The following PTBP3 variants were observed in gnomAD, a reference collection of about 807,000 sequenced individuals.
The protein encoded by PTBP3 is polypyrimidine tract-binding protein 3.
A neutral mutation model predicts 58.7 loss-of-function variants in PTBP3; 20 were observed. The observed-to-expected ratio is 0.34, with a 90% CI of 0.24 to 0.50. The LOEUF (loss-of-function observed/expected upper bound fraction) is 0.50. PTBP3 is among the 20% of genes least tolerant of loss of function. The pLI, the probability that PTBP3 is intolerant of heterozygous loss-of-function variation, is 0.98. For missense variants in PTBP3, 509 were observed against 637.2 expected (o/e 0.80, Z 2.17); for synonymous variants, 185 against 219.8 (o/e 0.84, Z 1.40).
At chr9:112,333,673 C>T (rs1830485724), upstream of PTBP3, 2 of 512,324 alleles carry the variant, frequency 3.9e-6, no homozygotes, top group Non-Finnish European at 3.3e-6. Flanking sequence ...CCCCCGCCTT[C>T]CCCACCCCGC....
At chr9:112,233,152 C>A (rs1000770064) in intron 8 of PTBP3, among the ~76,000 whole-genome samples, 1 of 151,944 alleles carries the variant, frequency 6.6e-6, no homozygotes, top group Non-Finnish European at 1.5e-5. Flanking sequence ...TGCACGAAAT[C>A]AATAGCCTTC....
At chr9:112,224,034 C>T in intron 13 of PTBP3, 51 bp from the exon 14 acceptor site, 1 of 1,580,962 alleles carries the variant, frequency 6.3e-7, no homozygotes, top group South Asian at 1.1e-5. Flanking sequence ...ATTTTGCTTC[C>T]AAACTCCTTC....
At chr9:112,231,979 GAGAAGAGA>G (rs1835240277) in intron 9 of PTBP3, 112 bp downstream of exon 9, 7 of 409,716 alleles carry the variant, frequency 1.7e-5, no homozygotes, top group Admixed American at 1.3e-4. Flanking sequence ...GAGAAGAGAA[GAGAAGAGA>G]AGAGAAGAGA....
Position 112,281,388 on chromosome 9 carries a change from C to T in PTBP3, c.35-5375G>A, listed in dbSNP as rs1189150214. 5 of 152,232 alleles carry T rather than the reference C, an allele frequency of 3.3e-5. No homozygotes were observed. The South Asian group carries it at 6.2e-4, about 19-fold the overall frequency. The allele number at this position is 152,232 out of a possible 1,614,324, so 9.4% of individuals were successfully genotyped here. A position where few individuals can be genotyped will look rare whatever the true frequency, so the allele number is the denominator to read the frequency against. On this transcript the variant is annotated intron_variant, in intron 2 of 13. Transcript: ENST00000374257. ...CCAATACTCAAACAGAAGAAATTTACTAAATGCTTGTCCTGCCATGACTTC... is the reference window on the plus strand; with the variant it reads ...CCAATACTCAAACAGAAGAAATTTATTAAATGCTTGTCCTGCCATGACTTC...
intron 6 of PTBP3, 98 bp downstream of exon 6, chr9:112,252,580 G>T: frequency 3.5e-6 from 3 of 857,484 alleles, no homozygotes; most frequent in East Asian, 2.6e-5. Flanking sequence ...TGTATATTTT[G>T]CCACAATTTT....
chr9:112,379,882 T>G, the PTBP3 span: 1 of 548,398 alleles, frequency 1.8e-6, no homozygotes, highest in Non-Finnish European at 3.2e-6. Context: ...GTACGACCAG[T>G]GAGGGGGCGG....
rs548132157 is a variant in PTBP3 at position 112,222,680 on chromosome 9, T to A, written c.*1171A>T. Reference sequence around the variant, plus strand: ...CCACTTAAAATTGCAATGAAAAAAATTTTAAATCCTTACCAAAACAGAGAA... The same window carrying A: ...CCACTTAAAATTGCAATGAAAAAAAATTTAAATCCTTACCAAAACAGAGAA... On this transcript the variant is annotated 3_prime_UTR_variant, in exon 14 of 14. Transcript: ENST00000374257. 252 of 983,844 alleles carry A rather than the reference T, an allele frequency of 2.6e-4. 4 individuals carry two copies. In the South Asian group the frequency reaches 0.01, roughly 39 times the overall value. 60.9% of individuals were successfully genotyped at this position (983,844 alleles called of 1,614,324 possible).
At chr9:112,316,931 C>A (rs1174894910) in intron 1 of PTBP3, among the ~76,000 whole-genome samples, 1 of 149,870 alleles carries the variant, frequency 6.7e-6, no homozygotes, top group Non-Finnish European at 1.5e-5. Context: ...GAGATCATGC[C>A]GCTGCACTCC....
chr9:112,309,611 C>G (rs1167793170), intron 1 of PTBP3, among the ~76,000 whole-genome samples: 1 of 151,910 alleles, frequency 6.6e-6, no homozygotes, highest in African/African-American at 2.4e-5. Flanking sequence ...CATGATGAAA[C>G]CCCGTCTCTA....
the PTBP3 span, among the ~76,000 whole-genome samples, chr9:112,372,891 T>C: frequency 4.0e-5 from 6 of 151,742 alleles, no homozygotes; most frequent in Middle Eastern, 3.2e-3. Context: ...CTTGAATTCA[T>C]AGGCTTTCTT....
rs749523235 is a variant in PTBP3 at position 112,276,031 on chromosome 9, C to T, written c.35-18G>A. Reference sequence around the variant, plus strand: ...CCCATTAGCTAAAAAACATAAGATTCTTTTTTAAATTACTGCAACTAATTT... The same window carrying T: ...CCCATTAGCTAAAAAACATAAGATTTTTTTTTAAATTACTGCAACTAATTT... On this transcript the variant is annotated intron_variant, in intron 2 of 13. Coordinates refer to ENST00000374257, the MANE Select transcript of PTBP3 (RefSeq NM_001163788.4). 1 of 1,597,866 alleles carries T rather than the reference C, an allele frequency of 6.3e-7. No homozygotes were observed. The highest frequency in any genetic ancestry group is 8.6e-7 in the Non-Finnish European group (1 of 1,166,618).
intron 2 of PTBP3, among the ~76,000 whole-genome samples, chr9:112,287,219 G>T (rs970558972): frequency 6.6e-6 from 1 of 151,240 alleles, no homozygotes; most frequent in Non-Finnish European, 1.5e-5. Flanking sequence ...TTCTTGAGAT[G>T]TATTTCTGCT....
chr9:112,265,868 CT>C (rs918267416), intron 4 of PTBP3, among the ~76,000 whole-genome samples: 1 of 152,130 alleles, frequency 6.6e-6, no homozygotes, highest in Admixed American at 6.5e-5. Context: ...AGACTGAACC[CT>C]TACCCTCATT....
At chr9:112,286,273 T>C (rs2132257578) in intron 2 of PTBP3, among the ~76,000 whole-genome samples, 1 of 152,340 alleles carries the variant, frequency 6.6e-6, no homozygotes, top group South Asian at 2.1e-4. Context: ...TAATTGAATT[T>C]TTTATTGCAT....
chr9:112,291,845 C>G (rs12000561), intron 2 of PTBP3, among the ~76,000 whole-genome samples: 2,969 of 152,126 alleles, frequency 0.02, 108 homozygotes, highest in African/African-American at 0.068. Flanking sequence ...GCACAAGCAA[C>G]AAAAGAAAAT....
chr9:112,303,021 C>T (rs1364189078), intron 1 of PTBP3, among the ~76,000 whole-genome samples: 1 of 152,096 alleles, frequency 6.6e-6, no homozygotes, highest in African/African-American at 2.4e-5. Flanking sequence ...AAATAAATTT[C>T]CAATCAACCA....
At chr9:112,324,709 AAAG>A (rs1297647664) in intron 1 of PTBP3, among the ~76,000 whole-genome samples, 1 of 152,054 alleles carries the variant, frequency 6.6e-6, no homozygotes, top group African/African-American at 2.4e-5. Context: ...AACATTCACA[AAAG>A]AAGATAAGTG....
Position 112,268,200 on chromosome 9 carries a change from A to G in PTBP3, c.205-5T>C. On this transcript the variant is annotated splice_polypyrimidine_tract_variant and splice_region_variant and intron_variant, in intron 3 of 13. Coordinates refer to ENST00000374257, the MANE Select transcript of PTBP3 (RefSeq NM_001163788.4). ...AGAAGCCATTTCTAAGAAAGCCTGCAATAAACACAAGAAGGTAAAGTTAAA... is the reference window on the plus strand; with the variant it reads ...AGAAGCCATTTCTAAGAAAGCCTGCGATAAACACAAGAAGGTAAAGTTAAA... 6.2e-7 allele frequency: 1 copy of G among 1,601,068 alleles called. No homozygotes were observed. The highest frequency in any genetic ancestry group is 8.5e-7 in the Non-Finnish European group (1 of 1,176,392).
chr9:112,232,191 T>G lies in PTBP3; in HGVS notation c.928A>C (p.Thr310Pro). 6.2e-7 allele frequency: 1 copy of G among 1,611,776 alleles called. No individual in the cohort carries two copies. The highest frequency in any genetic ancestry group is 1.3e-5 in the African/African-American group (1 of 74,860). Residue 310 changes from threonine (T) to proline (P), a missense_variant, in exon 9 of 14, where the codon ACC becomes CCC. Transcript: ENST00000374257. Reference protein sequence around the residue: ...VPGALGPLTITSSAVTGRMAI... With the variant: ...VPGALGPLTIPSSAVTGRMAI... ...ATCCTTCCAGTGACAGCAGAAGAGG[T>G]GATTGTGAGAGGACCAAGAGCTCCA...
Sources: allele counts gnomAD v4.1 joint callset (sites outside exome capture counted in the v4.1 genomes callset), GRCh38; gene constraint gnomAD v4.1.1; transcripts MANE v1.5; gene names NCBI Gene and HGNC (gene_info 2026-07-23, HGNC 2026-07-21).